The following SHOC2 variants were observed in gnomAD, a reference collection of about 807,000 sequenced individuals.
The protein encoded by SHOC2 is SHOC2 leucine rich repeat scaffold protein, also known as leucine-rich repeat protein SHOC-2.
A neutral mutation model predicts 50.2 loss-of-function variants in SHOC2; 4 were observed. The ratio of observed to expected loss-of-function variants is 0.08; its 90% CI spans 0.04 to 0.18. SHOC2 has a LOEUF of 0.18. SHOC2 is among the 10% of genes least tolerant of loss of function. The probability of loss-of-function intolerance (pLI) is 1.00; values close to 1 mark genes in which losing one functional copy is unlikely to be tolerated. For synonymous variants in SHOC2, 218 were observed against 244.5 expected, an observed-to-expected ratio of 0.89 and a Z score of 1.01; for missense variants, 388 against 669.6, an observed-to-expected ratio of 0.58 and a Z score of 4.64.
intron 1 of SHOC2, among the ~76,000 whole-genome samples, chr10:110,931,996 CAGA>C (rs1846904746): frequency 6.6e-6 from 1 of 152,056 alleles, no homozygotes. Flanking sequence ...AGTGGGAACA[CAGA>C]GGAGGTGGTA....
At chr10:111,003,053 CTGT>C (rs754224690) in intron 4 of SHOC2, among the ~76,000 whole-genome samples, 9 of 152,204 alleles carry the variant, frequency 5.9e-5, no homozygotes, top group Admixed American at 1.3e-4. Context: ...TGTTTTACCT[CTGT>C]TGTTCCTTTT....
chr10:110,950,734 CA>C (rs1313069037), intron 1 of SHOC2, among the ~76,000 whole-genome samples: 5 of 152,086 alleles, frequency 3.3e-5, no homozygotes, highest in African/African-American at 1.2e-4. Flanking sequence ...TGATCTTTAA[CA>C]AAGATGTTAA....
At chr10:110,993,538 T>A (rs1407993198) in intron 3 of SHOC2, among the ~76,000 whole-genome samples, 1 of 152,152 alleles carries the variant, frequency 6.6e-6, no homozygotes, top group African/African-American at 2.4e-5. Context: ...GATTACATTG[T>A]TAGAAATTCA....
At position 110,975,800 on chromosome 10, in the gene SHOC2, T is replaced by C. The variant is rs185515160; in HGVS notation, c.704-9828T>C. On this transcript the variant is annotated intron_variant, in intron 2 of 8. Transcript: ENST00000369452. ...CTGTGCTTCTCCACTTTAAAGTTAA[T>C]ATTTTTTTCTTTTTAATTTATCTTG... Among the ~76,000 whole-genome samples, 592 of 152,350 alleles carry C rather than the reference T, an allele frequency of 3.9e-3. 1 individual carries two copies. Among genetic ancestry groups the C allele is most frequent in the Middle Eastern group, 6.8e-3 (2 of 294 alleles).
intron 1 of SHOC2, among the ~76,000 whole-genome samples, chr10:110,963,303 A>G (rs989451976): frequency 2.0e-5 from 3 of 152,118 alleles, no homozygotes; most frequent in Non-Finnish European, 4.4e-5. Context: ...TTCTGCTTTT[A>G]AGAACCCTGT....
chr10:110,926,778 C>A (rs1448639667), intron 1 of SHOC2, among the ~76,000 whole-genome samples: 2 of 151,998 alleles, frequency 1.3e-5, no homozygotes, highest in Non-Finnish European at 2.9e-5. Context: ...CAAAATGATA[C>A]AATTTAAAAC....
intron 1 of SHOC2, chr10:110,936,742 G>C: frequency 1.1e-6 from 1 of 948,620 alleles, no homozygotes; most frequent in Middle Eastern, 2.1e-4. Context: ...AGTGGATTTT[G>C]GCTTTCTCTT....
intron 1 of SHOC2, among the ~76,000 whole-genome samples, chr10:110,949,348 T>C (rs1847306920): frequency 6.6e-6 from 1 of 151,772 alleles, no homozygotes; most frequent in South Asian, 2.1e-4. Context: ...CTAGAAGAAA[T>C]AGAAATTTTT....
chr10:111,006,723 G>A (rs1284585264), intron 5 of SHOC2, among the ~76,000 whole-genome samples: 6 of 152,312 alleles, frequency 3.9e-5, no homozygotes, highest in Non-Finnish European at 7.3e-5. Flanking sequence ...TACTGCCACT[G>A]AGAGGTAGCA....
At chr10:110,973,659 A>G (rs1590810975) in intron 2 of SHOC2, among the ~76,000 whole-genome samples, 1 of 152,070 alleles carries the variant, frequency 6.6e-6, no homozygotes, top group Non-Finnish European at 1.5e-5. Context: ...TCAGCCATAC[A>G]GTCTGGGACT....
chr10:110,984,989 G>T (rs1848050847), intron 2 of SHOC2, among the ~76,000 whole-genome samples: 1 of 152,076 alleles, frequency 6.6e-6, no homozygotes, highest in Non-Finnish European at 1.5e-5. Flanking sequence ...AGACCTCCTA[G>T]ATACTATAGG....
chr10:110,926,572 CCAGATGCAAGA>C (rs1424021782), intron 1 of SHOC2, among the ~76,000 whole-genome samples: 3 of 152,144 alleles, frequency 2.0e-5, no homozygotes, highest in Non-Finnish European at 4.4e-5. Context: ...ACTCGAAAAG[CCAGATGCAAGA>C]CATTTTGTAA....
intron 4 of SHOC2, 67 bp downstream of exon 4, chr10:111,000,612 A>T: frequency 7.3e-7 from 1 of 1,373,148 alleles, no homozygotes; most frequent in South Asian, 1.2e-5. Flanking sequence ...GAAAGCTAGT[A>T]AATCTTTATA....
chr10:110,990,670 T>C (rs1329908182), intron 3 of SHOC2, among the ~76,000 whole-genome samples: 1 of 152,006 alleles, frequency 6.6e-6, no homozygotes, highest in African/African-American at 2.4e-5. Flanking sequence ...GGAGCCAGCA[T>C]TGGCAACCCA....
At chr10:110,953,536 G>A (rs1165755338) in intron 1 of SHOC2, among the ~76,000 whole-genome samples, 1 of 152,026 alleles carries the variant, frequency 6.6e-6, no homozygotes, top group Non-Finnish European at 1.5e-5. Flanking sequence ...TTCACCCATT[G>A]AAAGACATCT....
intron 1 of SHOC2, among the ~76,000 whole-genome samples, chr10:110,952,368 T>A (rs56302131): frequency 3.3e-5 from 5 of 152,096 alleles, no homozygotes; most frequent in Non-Finnish European, 5.9e-5. Context: ...TAACATATTA[T>A]CACAGAAAGT....
chr10:111,009,867 A>G, intron 8 of SHOC2, 37 bp downstream of exon 8: 1 of 1,115,580 alleles, frequency 9.0e-7, no homozygotes. Context: ...TGTACTAATA[A>G]TTTGCTCTTG....
chr10:110,987,581 A>C (rs538664167), intron 3 of SHOC2, among the ~76,000 whole-genome samples: 1 of 152,332 alleles, frequency 6.6e-6, no homozygotes, highest in South Asian at 2.1e-4. Flanking sequence ...TAATATCCAA[A>C]ATAAATATTC....
intron 1 of SHOC2, among the ~76,000 whole-genome samples, chr10:110,959,031 A>T (rs1847523568): frequency 6.6e-6 from 1 of 152,244 alleles, no homozygotes; most frequent in Non-Finnish European, 1.5e-5. Context: ...GATATATAAG[A>T]AAAATATTGT....
Sources: gnomAD v4.1 joint callset for allele counts (sites outside exome capture counted in the v4.1 genomes callset) on GRCh38, gnomAD v4.1.1 for gene constraint, MANE v1.5 for transcripts, NCBI Gene and HGNC (gene_info 2026-07-23, HGNC 2026-07-21) for gene names.